The following SHOX variants were observed in gnomAD, a reference collection of about 807,000 sequenced individuals.
SHOX encodes SHOX homeobox, also known as short stature homeobox protein.
Under a neutral mutation model 29.6 loss-of-function variants are expected in SHOX, and 12 were observed. That is an observed-to-expected ratio of 0.41 (90% CI 0.26 to 0.66). The LOEUF (loss-of-function observed/expected upper bound fraction) is 0.66, where lower values mean the gene tolerates loss of function less well. Among genes scored for constraint, SHOX ranks in the 30% least tolerant of loss-of-function variants. The probability of loss-of-function intolerance (pLI) is 0.35; values close to 1 mark genes in which losing one functional copy is unlikely to be tolerated. For missense variants in SHOX, 499 were observed against 437.7 expected (o/e 1.14, Z -1.25); for synonymous variants, 214 against 200.6 (o/e 1.07, Z -0.57).
chrX:644,449 A>G lies in SHOX; in HGVS notation c.692A>G (p.His231Arg). The change falls in exon 5 of 5, where the codon CAC becomes CGC. Residue 231 changes from histidine (H) to arginine (R), a missense_variant. His to Arg is a conservative substitution (Grantham distance 29). Transcript: ENST00000686671. ...CACGCGCACCCGCACCTGCACCCGC[A>G]CCTGGCGGCGCACGCGCCCTACCTG... is the stretch of plus-strand genomic sequence containing the variant. ...VAHAHPHLHP[H>R]LAAHAPYLMF... 6.6e-7 allele frequency: 1 copy of G among 1,522,264 alleles called. No individual in the cohort carries two copies. The highest frequency in any genetic ancestry group is 1.2e-5 in the South Asian group (1 of 82,250). 94.3% of individuals were successfully genotyped at this position (1,522,264 alleles called of 1,614,324 possible). A position where few individuals can be genotyped will look rare whatever the true frequency, so the allele number is the denominator to read the frequency against.
intron 2 of SHOX, among the ~76,000 whole-genome samples, chrX:636,723 TAAAATATATATATAAACATATATATAC>T (rs2052763663): frequency 2.0e-4 from 2 of 9,852 alleles, no homozygotes; most frequent in Admixed American, 2.4e-3. Context: ...TATATATACA[TAAAATATATATATAAACATATATATAC>T]ATATAAAAAT....
upstream of SHOX, among the ~76,000 whole-genome samples, chrX:627,716 G>A (rs752887157): frequency 1.2e-3 from 188 of 152,240 alleles, no homozygotes; most frequent in Non-Finnish European, 2.1e-3. Context: ...CTGGAGGCTC[G>A]GACACCCTGG....
At chrX:626,697 T>TTCTCTCTCTCATCTCTCTCTG (rs2052544594), upstream of SHOX, among the ~76,000 whole-genome samples, 1 of 144,262 alleles carries the variant, frequency 6.9e-6, no homozygotes, top group Non-Finnish European at 1.5e-5. Context: ...CTGTCTCTCT[T>TTCTCTCTCTCATCTCTCTCTG]TCTCTCTCTC....
At position 650,891 on chromosome X, in the gene SHOX, G is replaced by A. The variant is rs2053050298; in HGVS notation, c.*6255G>A. Reference sequence around the variant, plus strand: ...GATATTCTTCGACACACGTGGGTAAGTTGATGCCATTTATAAATGTTTTAT... The same window carrying A: ...GATATTCTTCGACACACGTGGGTAAATTGATGCCATTTATAAATGTTTTAT... On this transcript the variant is annotated 3_prime_UTR_variant, in exon 5 of 5. Coordinates refer to ENST00000686671, the MANE Select transcript of SHOX (RefSeq NM_000451.4). Among the ~76,000 whole-genome samples, 1 of 150,692 alleles carries A rather than the reference G, an allele frequency of 6.6e-6. No individual in the cohort carries two copies. The highest frequency in any genetic ancestry group is 1.5e-5 in the Non-Finnish European group (1 of 67,912).
downstream of SHOX, among the ~76,000 whole-genome samples, chrX:653,825 A>T (rs2053100972): frequency 6.6e-6 from 1 of 152,128 alleles, no homozygotes; most frequent in South Asian, 2.1e-4. Flanking sequence ...ATAGCAGACA[A>T]TGTAGGGATT....
At position 648,920 on chromosome X, in the gene SHOX, T is replaced by C. The variant is rs1245967964; in HGVS notation, c.*4284T>C. 2.3e-5 allele frequency among the ~76,000 whole-genome samples: 3 copies of C among 129,884 alleles called. No individual in the cohort carries two copies. Among genetic ancestry groups the C allele is most frequent in the Non-Finnish European group, 4.9e-5 (3 of 61,084 alleles). 85.2% of individuals were successfully genotyped at this position (129,884 alleles called of 152,430 possible). A position where few individuals can be genotyped will look rare whatever the true frequency, so the allele number is the denominator to read the frequency against. ...CCTTCCTTCCTTCCTTTCTTTCTTT[T>C]TCTTTCTTTCTCTCTTTCTTTCTTT... is the stretch of plus-strand genomic sequence containing the variant. On this transcript the variant is annotated 3_prime_UTR_variant, in exon 5 of 5. Coordinates refer to ENST00000686671, the MANE Select transcript of SHOX (RefSeq NM_000451.4).
At chrX:655,604 C>CTA (rs2053132084), downstream of SHOX, among the ~76,000 whole-genome samples, 1 of 38,030 alleles carries the variant, frequency 2.6e-5, no homozygotes, top group African/African-American at 1.2e-4. Context: ...CTCTCTCTCT[C>CTA]TCTCTCTCTC....
chrX:625,078 T>C (rs189438190), intron 1 of SHOX, among the ~76,000 whole-genome samples: 8,871 of 106,068 alleles, frequency 0.084, 1,181 homozygotes, highest in African/African-American at 0.32. Context: ...TCCCTCCTTC[T>C]CTCCCTCCCT....
At chrX:634,885 C>G (rs771345618) in intron 2 of SHOX, 59 bp downstream of exon 2, 1 of 1,519,210 alleles carries the variant, frequency 6.6e-7, no homozygotes, top group East Asian at 2.5e-5. Flanking sequence ...CTCGGGAGCG[C>G]ACAGCACGCG....
chrX:658,627 C>T lies in SHOX; in HGVS notation c.634-158C>T, dbSNP rs190818541. The stretch of plus-strand genomic sequence containing the variant: ...CTGGGACTACAGGCGCCCGCCACCG[C>T]GCCCGGCTAATTTTTTGTATTTTTA... On this transcript the variant is annotated intron_variant, in intron 5 of 5. Transcript: ENST00000334060. 6.7e-3 allele frequency among the ~76,000 whole-genome samples: 1,014 copies of T among 150,936 alleles called. 10 individuals carry two copies. The highest frequency in any genetic ancestry group is 0.024 in the African/African-American group (968 of 41,098).
At position 644,681 on chromosome X, in the gene SHOX, C is replaced by A; in HGVS notation, c.*45C>A. On this transcript the variant is annotated 3_prime_UTR_variant, in exon 5 of 5. Transcript: ENST00000686671. Reference sequence around the variant, plus strand: ...CGCGCCCGGACTCCCGGGCTCCGCGCACCCCGCCTGCACCGCGCGTCCTGC... The same window carrying A: ...CGCGCCCGGACTCCCGGGCTCCGCGAACCCCGCCTGCACCGCGCGTCCTGC... The A allele has an allele frequency of 7.2e-7, 1 of 1,394,000 alleles. No individual in the cohort carries two copies. The allele number at this position is 1,394,000 out of a possible 1,614,324, so 86.4% of individuals were successfully genotyped here.
rs938585807 is a variant in SHOX, at chrX:650,497, C to G, written c.*5861C>G. 1.3e-5 allele frequency among the ~76,000 whole-genome samples: 2 copies of G among 152,042 alleles called. No homozygotes were observed. The highest frequency in any genetic ancestry group is 4.8e-5 in the African/African-American group (2 of 41,392). On this transcript the variant is annotated 3_prime_UTR_variant, in exon 5 of 5. Transcript: ENST00000686671. Reference sequence around the variant, plus strand: ...GCGTTTAACCGAAATGAAGCCGAGACGGGTTTCAGGTTTTGGTGCCAAGCT... The same window carrying G: ...GCGTTTAACCGAAATGAAGCCGAGAGGGGTTTCAGGTTTTGGTGCCAAGCT...
chrX:642,172 A>G (rs1311848367), intron 4 of SHOX, among the ~76,000 whole-genome samples: 1 of 152,136 alleles, frequency 6.6e-6, no homozygotes, highest in Non-Finnish European at 1.5e-5. Flanking sequence ...GAAGGGTCAC[A>G]GGAGGAGAGA....
At chrX:632,777 C>T (rs1270275124) in intron 1 of SHOX, among the ~76,000 whole-genome samples, 10 of 152,182 alleles carry the variant, frequency 6.6e-5, no homozygotes, top group Non-Finnish European at 1.0e-4. Context: ...CTGCGGGCAC[C>T]CGGCACTGTA....
chrX:642,729 G>A (rs2052877401), intron 4 of SHOX, among the ~76,000 whole-genome samples: 1 of 152,166 alleles, frequency 6.6e-6, no homozygotes, highest in Non-Finnish European at 1.5e-5. Flanking sequence ...GAAAAACTTG[G>A]GGACCTGGTA....
rs188861772 is a variant in SHOX at position 649,835 on chromosome X, G to C, written c.*5199G>C. On this transcript the variant is annotated 3_prime_UTR_variant, in exon 5 of 5. Coordinates refer to ENST00000686671, the MANE Select transcript of SHOX (RefSeq NM_000451.4). The stretch of plus-strand genomic sequence containing the variant: ...AATAGTCCGTGGAGGGTTGTCAGTC[G>C]CCGCAGTTGAGCAAAAAACACTTCT... The C allele has an allele frequency of 6.9e-4, 308 of 448,404 alleles. 1 individual carries two copies. Among genetic ancestry groups the C allele is most frequent in the Admixed American group, 1.4e-3 (57 of 41,978 alleles). 27.8% of individuals were successfully genotyped at this position (448,404 alleles called of 1,614,324 possible). A position where few individuals can be genotyped will look rare whatever the true frequency, so the allele number is the denominator to read the frequency against.
intron 5 of SHOX, among the ~76,000 whole-genome samples, chrX:657,321 G>A (rs1330144919): frequency 1.3e-5 from 2 of 152,210 alleles, no homozygotes; most frequent in African/African-American, 4.8e-5. Context: ...ACTCACTGAT[G>A]CCTGTTTAAA....
In SHOX at chrX:644,521, A is replaced by C; in HGVS notation, c.764A>C (p.Glu255Ala). Residue 255 changes from glutamate (E) to alanine (A), a missense_variant, in exon 5 of 5, where the codon GAG (glutamate) becomes GCG (alanine). Physicochemically the swap from Glu to Ala is moderately radical, Grantham distance 107. Coordinates refer to ENST00000686671, the MANE Select transcript of SHOX (RefSeq NM_000451.4). ...PFGLPIASLA[E>A]SASAAAVVAA... ...GGGCTGCCCATCGCGTCGCTGGCCGAGTCCGCCTCGGCCGCCGCCGTGGTC... is the reference window on the plus strand; with the variant it reads ...GGGCTGCCCATCGCGTCGCTGGCCGCGTCCGCCTCGGCCGCCGCCGTGGTC... The C allele has an allele frequency of 6.6e-7, 1 of 1,518,982 alleles. No individual in the cohort carries two copies. Among genetic ancestry groups the C allele is most frequent in the Non-Finnish European group, 8.8e-7 (1 of 1,140,138 alleles). 94.1% of individuals were successfully genotyped at this position (1,518,982 alleles called of 1,614,324 possible).
chrX:640,676 G>C (rs1443630391), intron 2 of SHOX, 145 bp from the exon 3 acceptor site: 1 of 828,426 alleles, frequency 1.2e-6, no homozygotes, highest in Non-Finnish European at 2.1e-6. Context: ...CAGAGGGGCG[G>C]TAAGTGTCTG....
Sources: allele counts gnomAD v4.1 joint callset (sites outside exome capture counted in the v4.1 genomes callset), GRCh38; gene constraint gnomAD v4.1.1; transcripts MANE v1.5; gene names NCBI Gene and HGNC (gene_info 2026-07-23, HGNC 2026-07-21).